Variants in EYA4 observed in about 807,000 individuals in gnomAD.
EYA4 encodes the protein protein phosphatase EYA4.
In EYA4, 31 loss-of-function variants were observed where a neutral mutation model predicts 87.9. The ratio of observed to expected loss-of-function variants is 0.35; its 90% CI spans 0.27 to 0.48. The LOEUF (loss-of-function observed/expected upper bound fraction) is 0.48. Among genes scored for constraint, EYA4 ranks in the 20% least tolerant of loss-of-function variants. The pLI is 0.99. For missense variants in EYA4, 678 were observed against 761.4 expected, an observed-to-expected ratio of 0.89 and a Z score of 1.29; for synonymous variants, 263 against 270.6, an observed-to-expected ratio of 0.97 and a Z score of 0.28.
chr6:133,287,523 GCTGAGAAGCA>G (rs58216735), intron 2 of EYA4, among the ~76,000 whole-genome samples: 17,913 of 152,078 alleles, frequency 0.12, 1,323 homozygotes, highest in Non-Finnish European at 0.17. Flanking sequence ...GGGAAATCTG[GCTGAGAAGCA>G]CTGAGACTAG....
chr6:133,387,259 A>C (rs1786831041), intron 3 of EYA4, among the ~76,000 whole-genome samples: 1 of 152,216 alleles, frequency 6.6e-6, no homozygotes, highest in Non-Finnish European at 1.5e-5. Flanking sequence ...GTACTTCCGG[A>C]AGACTGAAAT....
chr6:133,454,184 T>C (rs1039000398), intron 5 of EYA4, among the ~76,000 whole-genome samples: 13 of 152,198 alleles, frequency 8.5e-5, no homozygotes, highest in Non-Finnish European at 1.6e-4. Flanking sequence ...ATAATAAAGC[T>C]ACTTTTGCAA....
chr6:133,446,760 T>C lies in EYA4; in HGVS notation c.208+6T>C. ...TACTACAAATGGGACAGGAGGTAAG[T>C]GTACTACCCTGAAGATACCCAGAAT... On this transcript the variant is annotated splice_donor_region_variant and intron_variant, in intron 4 of 19. Coordinates refer to ENST00000355286, the MANE Select transcript of EYA4 (RefSeq NM_004100.5). 6.2e-7 allele frequency: 1 copy of C among 1,613,702 alleles called. No homozygotes were observed. Among genetic ancestry groups the C allele is most frequent in the Non-Finnish European group, 8.5e-7 (1 of 1,179,732 alleles).
In EYA4 at chr6:133,531,167, G is replaced by A; in HGVS notation, c.*2362G>A. ...AAGCCGGCTGGTTGCATCACCCCGT[G>A]CAGTTTCTCACACACATCTCTTTTT... On this transcript the variant is annotated 3_prime_UTR_variant, in exon 20 of 20. Transcript: ENST00000355286. The A allele has an allele frequency of 6.5e-7, 1 of 1,534,570 alleles. No individual in the cohort carries two copies. Among genetic ancestry groups the A allele is most frequent in the Non-Finnish European group, 8.7e-7 (1 of 1,146,452 alleles).
At chr6:133,253,101 GT>G (rs1775054363) in intron 1 of EYA4, among the ~76,000 whole-genome samples, 1 of 151,948 alleles carries the variant, frequency 6.6e-6, no homozygotes, top group South Asian at 2.1e-4. Context: ...ATATTTTTCT[GT>G]TTCCTAGGTG....
intron 1 of EYA4, among the ~76,000 whole-genome samples, chr6:133,255,119 G>C (rs1235606707): frequency 6.6e-6 from 1 of 152,172 alleles, no homozygotes; most frequent in Non-Finnish European, 1.5e-5. Context: ...ATGCAGGAAA[G>C]ACATTTGGTT....
intron 10 of EYA4, among the ~76,000 whole-genome samples, chr6:133,467,896 CA>C (rs1236066145): frequency 6.6e-6 from 1 of 151,794 alleles, no homozygotes; most frequent in Non-Finnish European, 1.5e-5. Context: ...AAAAGCAGGT[CA>C]GGGGTGTTGA....
At chr6:133,294,037 AT>A (rs1778724947) in intron 2 of EYA4, among the ~76,000 whole-genome samples, 6 of 84,548 alleles carry the variant, frequency 7.1e-5, no homozygotes, top group African/African-American at 1.3e-4. Flanking sequence ...ATATATATAT[AT>A]ATATATATAT....
At chr6:133,422,474 T>A (rs1790303202) in intron 3 of EYA4, among the ~76,000 whole-genome samples, 1 of 152,202 alleles carries the variant, frequency 6.6e-6, no homozygotes, top group African/African-American at 2.4e-5. Context: ...AACCGCTGTA[T>A]AGTATTTCAT....
chr6:133,271,135 C>T (rs951575959), intron 1 of EYA4, among the ~76,000 whole-genome samples: 3 of 152,098 alleles, frequency 2.0e-5, no homozygotes, highest in Admixed American at 6.6e-5. Flanking sequence ...TTCGTGAACC[C>T]GTGAATCCTG....
At chr6:133,480,486 C>T (rs75792193) in intron 11 of EYA4, among the ~76,000 whole-genome samples, 3,834 of 152,282 alleles carry the variant, frequency 0.025, 162 homozygotes, top group African/African-American at 0.086. Context: ...GACTCTTGAG[C>T]ACTTGTCATG....
rs78873709 is a variant in EYA4 at position 133,427,506 on chromosome 6, A to G, written c.84-19124A>G. 1.5e-4 allele frequency among the ~76,000 whole-genome samples: 23 copies of G among 152,352 alleles called. No individual in the cohort carries two copies. In the East Asian group the frequency reaches 4.2e-3, roughly 28 times the overall value. On this transcript the variant is annotated intron_variant, in intron 3 of 19. Coordinates refer to ENST00000355286, the MANE Select transcript of EYA4 (RefSeq NM_004100.5). The stretch of plus-strand genomic sequence containing the variant: ...CTTGGATCCAGATTAATGTGATGAT[A>G]TCTGTATTTTGACAGGGGTAAGGCC...
intron 3 of EYA4, among the ~76,000 whole-genome samples, chr6:133,439,975 AC>A (rs1337863195): frequency 6.6e-6 from 1 of 152,194 alleles, no homozygotes; most frequent in Non-Finnish European, 1.5e-5. Flanking sequence ...TGGACGATAC[AC>A]TTTTTACTGC....
chr6:133,515,343 G>C lies in EYA4; in HGVS notation c.1524G>C (p.Arg508Ser). 1 of 1,612,352 alleles carries C rather than the reference G, an allele frequency of 6.2e-7. No homozygotes were observed. Among genetic ancestry groups the C allele is most frequent in the Non-Finnish European group, 8.5e-7 (1 of 1,178,380 alleles). The change falls in exon 17 of 20, where the codon AGG (arginine) becomes AGC (serine). Residue 508 changes from arginine (R) to serine (S), a missense_variant. By Grantham distance (110) the Arg-to-Ser change is moderately radical. Coordinates refer to ENST00000355286, the MANE Select transcript of EYA4 (RefSeq NM_004100.5). ...NVGGLLGPAK[R>S]DAWLQLRAEI... Reference sequence around the variant, plus strand: ...CAGGACTCCTTGGCCCTGCCAAGAGGGATGCCTGGCTACAGTTAAGGGCAG... The same window carrying C: ...CAGGACTCCTTGGCCCTGCCAAGAGCGATGCCTGGCTACAGTTAAGGGCAG...
intron 3 of EYA4, among the ~76,000 whole-genome samples, chr6:133,415,114 C>G (rs972794817): frequency 6.6e-6 from 1 of 152,174 alleles, no homozygotes; most frequent in African/African-American, 2.4e-5. Context: ...AGCTTTCAAA[C>G]TCAGGCTTGG....
At chr6:133,331,764 G>T (rs1781980890) in intron 2 of EYA4, among the ~76,000 whole-genome samples, 2 of 152,150 alleles carry the variant, frequency 1.3e-5, no homozygotes, top group Admixed American at 1.3e-4. Flanking sequence ...AGCAATTTTT[G>T]ATTTTAAAAA....
intron 1 of EYA4, among the ~76,000 whole-genome samples, chr6:133,245,767 A>G (rs1162275451): frequency 6.6e-6 from 1 of 152,226 alleles, no homozygotes. Context: ...ACTTAAGTGG[A>G]AGAAAATGAA....
intron 3 of EYA4, among the ~76,000 whole-genome samples, chr6:133,432,226 GC>G (rs1359176290): frequency 6.6e-6 from 1 of 152,202 alleles, no homozygotes; most frequent in Non-Finnish European, 1.5e-5. Context: ...CCAGCTGCCA[GC>G]CCCAGTAGAC....
chr6:133,283,504 A>C (rs935240794), intron 2 of EYA4, among the ~76,000 whole-genome samples: 1 of 152,072 alleles, frequency 6.6e-6, no homozygotes, highest in Non-Finnish European at 1.5e-5. Context: ...GCTTTATGCT[A>C]CTCATCTCAC....
Sources: gnomAD v4.1 joint callset for allele counts (sites outside exome capture counted in the v4.1 genomes callset) on GRCh38, gnomAD v4.1.1 for gene constraint, MANE v1.5 for transcripts, NCBI Gene and HGNC (gene_info 2026-07-23, HGNC 2026-07-21) for gene names.